The following ELAVL1 variants were observed in gnomAD, a reference collection of about 807,000 sequenced individuals.
ELAVL1 encodes ELAV like RNA binding protein 1, also known as ELAV-like protein 1.
Under a neutral mutation model 28.4 loss-of-function variants are expected in ELAVL1, and 1 was observed. That is an observed-to-expected ratio of 0.04 (90% CI 0.01 to 0.17). The LOEUF is 0.17. Ranked by LOEUF, ELAVL1 falls within the 10% of genes least tolerant of loss-of-function variation. The probability of loss-of-function intolerance (pLI) is 1.00; values close to 1 mark genes in which losing one functional copy is unlikely to be tolerated. For synonymous variants in ELAVL1, 174 were observed against 183.5 expected (o/e 0.95, Z 0.42); for missense variants, 157 against 447.2 (o/e 0.35, Z 5.85).
At chr19:7,970,887 G>C (rs1333223914) in intron 4 of ELAVL1, among the ~76,000 whole-genome samples, 1 of 152,178 alleles carries the variant, frequency 6.6e-6, no homozygotes, top group Non-Finnish European at 1.5e-5. Context: ...ACACTAAAAA[G>C]CCCGTCACAG....
intron 3 of ELAVL1, among the ~76,000 whole-genome samples, chr19:7,978,446 A>G (rs1304605643): frequency 1.3e-5 from 2 of 152,126 alleles, no homozygotes; most frequent in African/African-American, 4.8e-5. Context: ...TCGGTCATGC[A>G]TTCGTAATGA....
At position 7,963,894 on chromosome 19, in the gene ELAVL1, C is replaced by T; in HGVS notation, c.657-87G>A. ...GGCCTGGACGCATGCTGACCATGGC[C>T]GCTGGGCCCCATCCCGCTCTGCGCA... On this transcript the variant is annotated intron_variant, in intron 5 of 5. Transcript: ENST00000407627. The surrounding 1 kb of genome is among the most constrained non-coding windows in gnomAD (Gnocchi z 4.5). The T allele has an allele frequency of 2.1e-6, 3 of 1,435,204 alleles. No homozygotes were observed. Among genetic ancestry groups the T allele is most frequent in the South Asian group, 2.7e-5 (2 of 74,442 alleles). 88.9% of individuals were successfully genotyped at this position (1,435,204 alleles called of 1,614,324 possible). A position where few individuals can be genotyped will look rare whatever the true frequency, so the allele number is the denominator to read the frequency against.
chr19:7,991,932 C>CTTTTTTTTTTTT (rs398033838), intron 1 of ELAVL1, 101 bp from the exon 2 acceptor site: 9 of 621,572 alleles, frequency 1.4e-5, no homozygotes, highest in Admixed American at 1.3e-4. Flanking sequence ...TTCTTTCTTT[C>CTTTTTTTTTTTT]TTTTTTTTTT....
chr19:7,964,069 G>A (rs182070156), intron 5 of ELAVL1, among the ~76,000 whole-genome samples: 3 of 152,168 alleles, frequency 2.0e-5, no homozygotes, highest in African/African-American at 4.8e-5. Flanking sequence ...GTGTATGTCG[G>A]GGTTTCTGTT....
At chr19:7,970,291 G>C (rs879847554) in intron 4 of ELAVL1, among the ~76,000 whole-genome samples, 1 of 152,250 alleles carries the variant, frequency 6.6e-6, no homozygotes, top group African/African-American at 2.4e-5. Flanking sequence ...CAGTAGCTGG[G>C]ATTACAGGTG....
At chr19:7,996,572 G>A (rs1268830801) in intron 1 of ELAVL1, among the ~76,000 whole-genome samples, 1 of 151,840 alleles carries the variant, frequency 6.6e-6, no homozygotes, top group Non-Finnish European at 1.5e-5. Context: ...TTGGGAGGCC[G>A]AGGTGGGTGG....
rs200012460 is a variant in ELAVL1, at chr19:7,981,061, G to A, written c.276+22C>T. ...CTGTGCCCAGGGCAGGAATGGATGCGGTGGTGATCAGATCCCTTTACCTTA... is the reference window on the plus strand; with the variant it reads ...CTGTGCCCAGGGCAGGAATGGATGCAGTGGTGATCAGATCCCTTTACCTTA... On this transcript the variant is annotated intron_variant, in intron 3 of 5. Transcript: ENST00000407627. The surrounding 1 kb of genome is among the most constrained non-coding windows in gnomAD (Gnocchi z 4.2). 7.0e-5 allele frequency: 112 copies of A among 1,610,356 alleles called. No homozygotes were observed. Among genetic ancestry groups the A allele is most frequent in the Admixed American group, 1.7e-5 (1 of 59,982 alleles).
At chr19:7,988,640 C>T (rs1430024629) in intron 2 of ELAVL1, among the ~76,000 whole-genome samples, 2 of 152,176 alleles carry the variant, frequency 1.3e-5, no homozygotes, top group African/African-American at 2.4e-5. Flanking sequence ...CTCTGCCTCC[C>T]AGGGGACATG....
At chr19:7,971,111 C>T (rs1485319300) in intron 4 of ELAVL1, among the ~76,000 whole-genome samples, 12 of 152,162 alleles carry the variant, frequency 7.9e-5, no homozygotes, top group Admixed American at 2.0e-4. Context: ...GGTTCACAGC[C>T]GACCCTGGGG....
rs1332787617 is a variant in ELAVL1, at chr19:7,958,655, A to C, written c.*4828T>G. ...ACATACAGCGTTTAACACGAACCTGATACCTGTAGAAAGAACTGAGTATCG... is the reference window on the plus strand; with the variant it reads ...ACATACAGCGTTTAACACGAACCTGCTACCTGTAGAAAGAACTGAGTATCG... On this transcript the variant is annotated 3_prime_UTR_variant, in exon 6 of 6. Transcript: ENST00000407627. 6.6e-6 allele frequency: 1 copy of C among 152,252 alleles called. No homozygotes were observed. Among genetic ancestry groups the C allele is most frequent in the Non-Finnish European group, 1.5e-5 (1 of 68,040 alleles). The allele number at this position is 152,252 out of a possible 1,614,324, so 9.4% of individuals were successfully genotyped here. A position where few individuals can be genotyped will look rare whatever the true frequency, so the allele number is the denominator to read the frequency against.
chr19:7,968,713 G>C (rs192067446), intron 4 of ELAVL1, among the ~76,000 whole-genome samples: 184 of 152,384 alleles, frequency 1.2e-3, no homozygotes, highest in Non-Finnish European at 2.4e-3. Context: ...GGGGGACATT[G>C]GTCAGCTGGG....
intron 2 of ELAVL1, among the ~76,000 whole-genome samples, chr19:7,988,462 C>A (rs1357763367): frequency 6.6e-6 from 1 of 152,088 alleles, no homozygotes; most frequent in Non-Finnish European, 1.5e-5. Flanking sequence ...GGGAAAGGCG[C>A]TAAAGACAGA....
At chr19:7,967,970 CAGA>C (rs1163351211) in intron 4 of ELAVL1, among the ~76,000 whole-genome samples, 180 bp from the exon 5 acceptor site, 1 of 152,196 alleles carries the variant, frequency 6.6e-6, no homozygotes, top group African/African-American at 2.4e-5. Context: ...CAATGACTAA[CAGA>C]AGATTAAAGC....
chr19:7,989,082 GGAT>G (rs761647043), intron 2 of ELAVL1, among the ~76,000 whole-genome samples: 3 of 152,190 alleles, frequency 2.0e-5, no homozygotes, highest in African/African-American at 4.8e-5. Context: ...GCTAGGCCAG[GGAT>G]CAGATTCGCC....
At chr19:7,980,997 G>T in intron 3 of ELAVL1, 86 bp downstream of exon 3, 2 of 1,350,840 alleles carry the variant, frequency 1.5e-6, no homozygotes, top group Non-Finnish European at 2.1e-6. Context: ...ATAGTCCCTT[G>T]GAGAGTGACT....
chr19:7,972,024 A>G (rs1054616621), intron 4 of ELAVL1, among the ~76,000 whole-genome samples: 7 of 152,220 alleles, frequency 4.6e-5, no homozygotes, highest in African/African-American at 7.2e-5. Flanking sequence ...ACCTCAGAGC[A>G]TGACTTTCTG....
At chr19:8,002,531 G>C (rs990032317) in intron 1 of ELAVL1, among the ~76,000 whole-genome samples, 7 of 152,190 alleles carry the variant, frequency 4.6e-5, no homozygotes, top group African/African-American at 1.7e-4. Flanking sequence ...CCCACAGCTC[G>C]GGTCGGCCGC....
chr19:7,980,317 G>A lies in ELAVL1; in HGVS notation c.276+766C>T, dbSNP rs952896134. 3.3e-5 allele frequency among the ~76,000 whole-genome samples: 5 copies of A among 152,208 alleles called. No homozygotes were observed. In the East Asian group the frequency reaches 9.6e-4, roughly 29 times the overall value. ...AGTACCCAGGACTGACAGGAGACCA[G>A]GGAGCAAAGGTCGGAAAGACACGAG... On this transcript the variant is annotated intron_variant, in intron 3 of 5. Transcript: ENST00000407627.
At chr19:7,995,110 C>G (rs1985843658) in intron 1 of ELAVL1, among the ~76,000 whole-genome samples, 3 of 152,148 alleles carry the variant, frequency 2.0e-5, no homozygotes, top group Non-Finnish European at 4.4e-5. Context: ...ATGAGAAACT[C>G]CACGTGTCTG....
Sources: gnomAD v4.1 joint callset for allele counts (sites outside exome capture counted in the v4.1 genomes callset) on GRCh38, gnomAD v4.1.1 for gene constraint, Gnocchi (gnomAD v3.1) non-coding constraint, MANE v1.5 for transcripts, NCBI Gene and HGNC (gene_info 2026-07-23, HGNC 2026-07-21) for gene names.